SRRM3: variants seen among roughly 807,000 people sequenced by gnomAD.
SRRM3 encodes the protein serine/arginine repetitive matrix protein 3.
In SRRM3, 27 loss-of-function variants were observed where a neutral mutation model predicts 66.2. The ratio of observed to expected loss-of-function variants is 0.41; its 90% CI spans 0.30 to 0.56. The LOEUF (loss-of-function observed/expected upper bound fraction) is 0.56, where lower values mean the gene tolerates loss of function less well. Among genes scored for constraint, SRRM3 ranks in the 20% least tolerant of loss-of-function variants. The pLI is 0.32. For synonymous variants in SRRM3, 391 were observed against 414.9 expected, an observed-to-expected ratio of 0.94 and a Z score of 0.70; for missense variants, 918 against 991.9, an observed-to-expected ratio of 0.93 and a Z score of 1.00.
intron 1 of SRRM3, among the ~76,000 whole-genome samples, chr7:76,230,076 G>A (rs1414136802): frequency 2.0e-5 from 3 of 151,982 alleles, no homozygotes; most frequent in Non-Finnish European, 4.4e-5. Context: ...CAATGTCTCC[G>A]GCTACTGAGT....
chr7:76,277,025 A>G (rs1442986371), intron 11 of SRRM3, among the ~76,000 whole-genome samples: 1 of 152,258 alleles, frequency 6.6e-6, no homozygotes, highest in Non-Finnish European at 1.5e-5. Context: ...AGGCGTCACA[A>G]CAAACTCACA....
At chr7:76,228,200 T>G (rs1800927497) in intron 1 of SRRM3, among the ~76,000 whole-genome samples, 1 of 152,166 alleles carries the variant, frequency 6.6e-6, no homozygotes, top group Admixed American at 6.6e-5. Context: ...GAGTTTTGAT[T>G]ATTATAAAAT....
chr7:76,238,232 G>C (rs1026522970), intron 2 of SRRM3, among the ~76,000 whole-genome samples: 2 of 152,198 alleles, frequency 1.3e-5, no homozygotes, highest in African/African-American at 4.8e-5. Flanking sequence ...TGTTCTGAGA[G>C]TCCTCCGTTG....
rs367848599 is a variant in SRRM3, at chr7:76,248,265, G to A, written c.311G>A (p.Arg104Lys). The A allele has an allele frequency of 6.2e-7, 1 of 1,613,836 alleles. No homozygotes were observed. Among genetic ancestry groups the A allele is most frequent in the South Asian group, 1.1e-5 (1 of 91,018 alleles). Residue 104 changes from arginine (R) to lysine (K), a missense_variant, in exon 3 of 15, where the codon AGG becomes AAG. Arg to Lys is a conservative substitution (Grantham distance 26). Coordinates refer to ENST00000611745, the MANE Select transcript of SRRM3 (RefSeq NM_001110199.3). ...MLMEKEGVLTREDRPGGHIVA... is the reference protein window; with the variant it reads ...MLMEKEGVLTKEDRPGGHIVA... The stretch of plus-strand genomic sequence containing the variant: ...ATGGAGAAGGAGGGAGTGCTCACCA[G>A]GGAGGACCGGCCTGGGGGCCACATG...
intron 2 of SRRM3, among the ~76,000 whole-genome samples, chr7:76,238,157 T>C (rs988063644): frequency 3.3e-5 from 5 of 152,206 alleles, no homozygotes; most frequent in Non-Finnish European, 7.3e-5. Context: ...CTTCCAGCCC[T>C]ATCTTGACCT....
rs535926113 is a variant in SRRM3 at position 76,265,582 on chromosome 7, G to A, written c.830+114G>A. 7.6e-5 allele frequency: 63 copies of A among 827,582 alleles called. 1 individual carries two copies. In the South Asian group the frequency reaches 1.2e-3, roughly 16 times the overall value. The allele number at this position is 827,582 out of a possible 1,614,324, so 51.3% of individuals were successfully genotyped here. A position where few individuals can be genotyped will look rare whatever the true frequency, so the allele number is the denominator to read the frequency against. On this transcript the variant is annotated intron_variant, in intron 10 of 14. Coordinates refer to ENST00000611745, the MANE Select transcript of SRRM3 (RefSeq NM_001110199.3). ...GGACAGAATGTCAATTCATCGGTGG[G>A]TAGAAGTTTATCAGGGGTAGCCAGG...
rs552419492 is a variant in SRRM3 at position 76,248,123 on chromosome 7, C to T, written c.234-65C>T. 76 of 1,331,990 alleles carry T rather than the reference C, an allele frequency of 5.7e-5. 1 individual carries two copies. Among genetic ancestry groups the T allele is most frequent in the South Asian group, 4.0e-4 (32 of 79,730 alleles). 82.5% of individuals were successfully genotyped at this position (1,331,990 alleles called of 1,614,324 possible). Reference sequence around the variant, plus strand: ...GGGGTTGGCGGGGCTGGGCTGAGTGCGGGGCAGGAAAGAGGGAACCAAATC... The same window carrying T: ...GGGGTTGGCGGGGCTGGGCTGAGTGTGGGGCAGGAAAGAGGGAACCAAATC... On this transcript the variant is annotated intron_variant, in intron 2 of 14. Coordinates refer to ENST00000611745, the MANE Select transcript of SRRM3 (RefSeq NM_001110199.3).
At chr7:76,215,580 T>C (rs1451511200) in intron 1 of SRRM3, among the ~76,000 whole-genome samples, 1 of 150,540 alleles carries the variant, frequency 6.6e-6, no homozygotes, top group Admixed American at 6.6e-5. Context: ...TTTTTATTAT[T>C]ATTATTTTGT....
intron 3 of SRRM3, among the ~76,000 whole-genome samples, chr7:76,251,747 G>C (rs1434391251): frequency 1.3e-5 from 2 of 151,814 alleles, no homozygotes; most frequent in African/African-American, 4.8e-5. Flanking sequence ...CTGGGCAACA[G>C]AGCAAGACCC....
rs527450159 is a variant in SRRM3 at position 76,237,572 on chromosome 7, C to T, written c.233+2273C>T. Among the ~76,000 whole-genome samples, 6 of 152,288 alleles carry T rather than the reference C, an allele frequency of 3.9e-5. 1 individual carries two copies. The South Asian group carries it at 1.0e-3, about 26-fold the overall frequency. On this transcript the variant is annotated intron_variant, in intron 2 of 14. Coordinates refer to ENST00000611745, the MANE Select transcript of SRRM3 (RefSeq NM_001110199.3). ...CCTGAGCAACGGAGGGAGACTCCAT[C>T]TCAAAACAAAACAAAAACAAACACA... is the stretch of plus-strand genomic sequence containing the variant.
Position 76,281,674 on chromosome 7 carries a change from G to A in SRRM3, c.1242G>A (p.Ala414=), listed in dbSNP as rs1394293506. 4.4e-5 allele frequency: 44 copies of A among 991,738 alleles called. No individual in the cohort carries two copies. The highest frequency in any genetic ancestry group is 5.3e-5 in the Non-Finnish European group (44 of 834,668). The allele number at this position is 991,738 out of a possible 1,614,324, so 61.4% of individuals were successfully genotyped here. ...RRRGRRRPRP[A]PPRGSSRSLS... ...GGGGTCGCCGGCGCCCCCGGCCCGC[G>A]CCCCCCCGGGGCTCGTCGCGCTCGC... The change falls in exon 12 of 15, where the codon GCG becomes GCA. Residue 414 remains alanine, a synonymous_variant. Coordinates refer to ENST00000611745, the MANE Select transcript of SRRM3 (RefSeq NM_001110199.3).
intron 1 of SRRM3, among the ~76,000 whole-genome samples, chr7:76,229,452 T>C (rs1800959276): frequency 6.6e-6 from 1 of 152,208 alleles, no homozygotes; most frequent in South Asian, 2.1e-4. Context: ...CTAAATCCTC[T>C]ACAATCCTTC....
At chr7:76,277,463 G>A (rs1205288480) in intron 11 of SRRM3, among the ~76,000 whole-genome samples, 2 of 152,078 alleles carry the variant, frequency 1.3e-5, no homozygotes, top group Non-Finnish European at 2.9e-5. Flanking sequence ...GGAGGCCAAG[G>A]CAGGTGGATC....
intron 12 of SRRM3, among the ~76,000 whole-genome samples, chr7:76,282,369 C>A (rs1459125179): frequency 1.4e-5 from 2 of 148,004 alleles, no homozygotes; most frequent in African/African-American, 5.0e-5. Context: ...GGAACCCCCT[C>A]TCCTCCCATG....
chr7:76,205,879 C>G (rs1800288743), intron 1 of SRRM3, among the ~76,000 whole-genome samples: 2 of 152,240 alleles, frequency 1.3e-5, no homozygotes, highest in Non-Finnish European at 2.9e-5. Context: ...GCTTGAAACA[C>G]TGGAGGTGAC....
intron 11 of SRRM3, among the ~76,000 whole-genome samples, chr7:76,275,403 C>T (rs555118180): frequency 1.3e-3 from 201 of 150,646 alleles, no homozygotes; most frequent in African/African-American, 4.8e-3. Flanking sequence ...GCAGGGGTAT[C>T]GCTTGAGCCC....
chr7:76,211,952 G>A lies in SRRM3; in HGVS notation c.-40+9885G>A, dbSNP rs541074007. On this transcript the variant is annotated intron_variant, in intron 1 of 14. Coordinates refer to ENST00000611745, the MANE Select transcript of SRRM3 (RefSeq NM_001110199.3). ...CCTTCTAGGCTCAAGCAATGCTCCT[G>A]CCTCGGCCTCCTGAGTAGCTGGCAC... Among the ~76,000 whole-genome samples the A allele has an allele frequency of 3.1e-4, 46 of 150,352 alleles. 1 individual carries two copies. Among genetic ancestry groups the A allele is most frequent in the South Asian group, 1.3e-3 (6 of 4,758 alleles).
chr7:76,247,171 C>G (rs1563623804), intron 2 of SRRM3, among the ~76,000 whole-genome samples: 1 of 152,024 alleles, frequency 6.6e-6, no homozygotes, highest in Non-Finnish European at 1.5e-5. Flanking sequence ...GCAGTGGGAG[C>G]AGGGATAAGG....
intron 10 of SRRM3, among the ~76,000 whole-genome samples, chr7:76,265,736 T>G (rs1801993364): frequency 7.1e-6 from 1 of 141,304 alleles, no homozygotes; most frequent in Non-Finnish European, 1.5e-5. Flanking sequence ...ATAATAATAA[T>G]TATTACTTTT....
Sources: gnomAD v4.1 joint callset for allele counts (sites outside exome capture counted in the v4.1 genomes callset) on GRCh38, gnomAD v4.1.1 for gene constraint, MANE v1.5 for transcripts, NCBI Gene and HGNC (gene_info 2026-07-23, HGNC 2026-07-21) for gene names.